TTC7B: variants seen among roughly 807,000 people sequenced by gnomAD.
TTC7B encodes tetratricopeptide repeat domain 7B.
Under a neutral mutation model 106.8 loss-of-function variants are expected in TTC7B, and 28 were observed. The observed-to-expected ratio is 0.26, with a 90% CI of 0.19 to 0.36. The LOEUF (loss-of-function observed/expected upper bound fraction) is 0.36, where lower values mean the gene tolerates loss of function less well. Ranked by LOEUF, TTC7B falls within the 10% of genes least tolerant of loss-of-function variation. The pLI, the probability that TTC7B is intolerant of heterozygous loss-of-function variation, is 1.00. For synonymous variants in TTC7B, 405 were observed against 430.6 expected, an observed-to-expected ratio of 0.94 and a Z score of 0.74; for missense variants, 862 against 1,076.4, an observed-to-expected ratio of 0.80 and a Z score of 2.79.
At chr14:90,682,588 T>C (rs1887096102) in intron 7 of TTC7B, among the ~76,000 whole-genome samples, 1 of 152,122 alleles carries the variant, frequency 6.6e-6, no homozygotes, top group African/African-American at 2.4e-5. Context: ...GGGCCTTCCT[T>C]TTGTGGCCTT....
At chr14:90,620,294 C>T (rs929524038) in intron 15 of TTC7B, among the ~76,000 whole-genome samples, 2 of 152,064 alleles carry the variant, frequency 1.3e-5, no homozygotes, top group East Asian at 1.9e-4. Context: ...TCCCAAGAAG[C>T]GGAAATGCTT....
In TTC7B at chr14:90,624,913, A is replaced by C. The variant is rs1011959694; in HGVS notation, c.1752-6868T>G. Among the ~76,000 whole-genome samples the C allele has an allele frequency of 1.3e-5, 2 of 152,146 alleles. No individual in the cohort carries two copies. Among genetic ancestry groups the C allele is most frequent in the Non-Finnish European group, 2.9e-5 (2 of 68,030 alleles). On this transcript the variant is annotated intron_variant, in intron 15 of 19. Coordinates refer to ENST00000328459, the MANE Select transcript of TTC7B (RefSeq NM_001010854.2). This position sits in a 1 kb window ranked among gnomAD's most constrained non-coding sequence, Gnocchi z 4.0. ...CTGCTCTTTCTTTGTTTATCTACTG[A>C]ATGCAGGCAGGAATGCAAAATGGCT...
At chr14:90,635,058 C>T (rs770509701) in intron 15 of TTC7B, among the ~76,000 whole-genome samples, 25 of 152,188 alleles carry the variant, frequency 1.6e-4, no homozygotes, top group Non-Finnish European at 3.2e-4. Flanking sequence ...ATCACTTGTG[C>T]TCCTTTTGTC....
In TTC7B at chr14:90,795,674, C is replaced by A. The variant is rs566959773; in HGVS notation, c.122-9346G>T. Among the ~76,000 whole-genome samples, 28 of 152,304 alleles carry A rather than the reference C, an allele frequency of 1.8e-4. No homozygotes were observed. In the South Asian group the frequency reaches 5.8e-3, roughly 32 times the overall value. On this transcript the variant is annotated intron_variant, in intron 1 of 19. Transcript: ENST00000328459. Reference sequence around the variant, plus strand: ...AGAGATAATATGTAACGCACATAGTCTGAAGTAAGTGGTGAATAAACATTA... The same window carrying A: ...AGAGATAATATGTAACGCACATAGTATGAAGTAAGTGGTGAATAAACATTA...
chr14:90,745,305 A>C (rs1889921603), intron 3 of TTC7B, among the ~76,000 whole-genome samples: 1 of 148,520 alleles, frequency 6.7e-6, no homozygotes, highest in Admixed American at 6.6e-5. Flanking sequence ...CCCAAAAAAA[A>C]AAAAAAAAAA....
intron 1 of TTC7B, among the ~76,000 whole-genome samples, chr14:90,812,180 C>T (rs1250141818): frequency 1.3e-5 from 2 of 152,124 alleles, no homozygotes; most frequent in African/African-American, 2.4e-5. Flanking sequence ...AGGCAGGCTC[C>T]GAGAGGCTAA....
chr14:90,764,151 CACTT>C (rs747218754), intron 3 of TTC7B, among the ~76,000 whole-genome samples: 1 of 152,078 alleles, frequency 6.6e-6, no homozygotes, highest in South Asian at 2.1e-4. Flanking sequence ...CAGAAATAAA[CACTT>C]ACATATATGC....
chr14:90,579,403 C>T lies in TTC7B; in HGVS notation c.2108-1095G>A, dbSNP rs558497700. ...CCTGCAGTAAAAGAGGTTTGCACCC[C>T]TATCTCCCAGTTATGTGTATGTTTG... is the stretch of plus-strand genomic sequence containing the variant. On this transcript the variant is annotated intron_variant, in intron 18 of 19. Coordinates refer to ENST00000328459, the MANE Select transcript of TTC7B (RefSeq NM_001010854.2). Among the ~76,000 whole-genome samples the T allele has an allele frequency of 3.5e-4, 54 of 152,366 alleles. 1 individual carries two copies. The highest frequency in any genetic ancestry group is 1.2e-3 in the Admixed American group (18 of 15,308).
chr14:90,659,452 G>A (rs1445945226), intron 9 of TTC7B, among the ~76,000 whole-genome samples: 1 of 152,178 alleles, frequency 6.6e-6, no homozygotes, highest in Non-Finnish European at 1.5e-5. Context: ...TGAGAAAAGA[G>A]CTGAAGTTAC....
At chr14:90,728,681 C>A (rs1288711925) in intron 5 of TTC7B, among the ~76,000 whole-genome samples, 2 of 152,156 alleles carry the variant, frequency 1.3e-5, no homozygotes, top group Non-Finnish European at 2.9e-5. Flanking sequence ...AATAAATTAC[C>A]CAACCCACTC....
intron 5 of TTC7B, among the ~76,000 whole-genome samples, chr14:90,709,919 G>A (rs1211699931): frequency 2.9e-5 from 4 of 140,118 alleles, no homozygotes; most frequent in African/African-American, 8.0e-5. Context: ...TCTAATGAGT[G>A]CAATTTCATG....
At chr14:90,702,077 T>C (rs1888015283) in intron 5 of TTC7B, among the ~76,000 whole-genome samples, 1 of 152,174 alleles carries the variant, frequency 6.6e-6, no homozygotes, top group African/African-American at 2.4e-5. Context: ...TATACCCGAA[T>C]GTAAAGAGAC....
At chr14:90,763,680 TAAAC>T (rs1291599507) in intron 3 of TTC7B, among the ~76,000 whole-genome samples, 3 of 152,096 alleles carry the variant, frequency 2.0e-5, no homozygotes, top group African/African-American at 7.2e-5. Flanking sequence ...ACAAGATTAA[TAAAC>T]AAAAATGAGC....
rs1395272845 is a variant in TTC7B, at chr14:90,663,641, C to T, written c.1153-5254G>A. Among the ~76,000 whole-genome samples the T allele has an allele frequency of 6.6e-6, 1 of 152,212 alleles. No homozygotes were observed. The highest frequency in any genetic ancestry group is 1.5e-5 in the Non-Finnish European group (1 of 68,038). ...AAAGATTACATGAGTCCTGTGTTTCCTCTACAGGCAGCATCTCTCCCAGTT... is the reference window on the plus strand; with the variant it reads ...AAAGATTACATGAGTCCTGTGTTTCTTCTACAGGCAGCATCTCTCCCAGTT... On this transcript the variant is annotated intron_variant, in intron 9 of 19. Transcript: ENST00000328459. This position sits in a 1 kb window ranked among gnomAD's most constrained non-coding sequence, Gnocchi z 4.5.
chr14:90,646,901 G>A, intron 14 of TTC7B, 50 bp downstream of exon 14: 2 of 1,491,668 alleles, frequency 1.3e-6, no homozygotes, highest in East Asian at 2.3e-5. Context: ...TGAAGGAGTT[G>A]TATCAAGATA....
intron 6 of TTC7B, among the ~76,000 whole-genome samples, chr14:90,692,453 T>TA (rs1246452872): frequency 6.6e-6 from 1 of 152,230 alleles, no homozygotes; most frequent in Non-Finnish European, 1.5e-5. Context: ...CAGCTAATCT[T>TA]AAAAAATCAT....
intron 9 of TTC7B, among the ~76,000 whole-genome samples, chr14:90,668,312 T>C (rs534573685): frequency 2.6e-5 from 4 of 152,308 alleles, no homozygotes; most frequent in Admixed American, 2.0e-4. Context: ...CATTATCTTA[T>C]TGAGCTTCCT....
At chr14:90,786,141 G>A (rs1891379126) in intron 2 of TTC7B, 33 bp downstream of exon 2, 2 of 1,511,834 alleles carry the variant, frequency 1.3e-6, no homozygotes, top group East Asian at 4.7e-5. Flanking sequence ...CTGTCCAAAG[G>A]AAGTGTCGCC....
At chr14:90,734,846 C>T (rs1041746513) in intron 4 of TTC7B, among the ~76,000 whole-genome samples, 6 of 152,112 alleles carry the variant, frequency 3.9e-5, no homozygotes, top group African/African-American at 4.8e-5. Flanking sequence ...TACAGTGGCA[C>T]GATCTCGGCT....
Sources: gnomAD v4.1 joint callset for allele counts (sites outside exome capture counted in the v4.1 genomes callset) on GRCh38, gnomAD v4.1.1 for gene constraint, Gnocchi (gnomAD v3.1) non-coding constraint, MANE v1.5 for transcripts, NCBI Gene and HGNC (gene_info 2026-07-23, HGNC 2026-07-21) for gene names.